The following FIRRM variants were observed in gnomAD, a reference collection of about 807,000 sequenced individuals.
FIRRM encodes FIGNL1 interacting regulator of recombination and mitosis, also known as FIGNL1-interacting regulator of recombination and mitosis.
the FIRRM span, among the ~76,000 whole-genome samples, chr1:169,809,126 A>C: frequency 6.6e-6 from 1 of 152,212 alleles, no homozygotes; most frequent in Admixed American, 6.5e-5. Flanking sequence ...ACCCTAGGGG[A>C]GGGTGGAACT....
chr1:169,840,207 C>T, the FIRRM span, among the ~76,000 whole-genome samples: 1 of 152,112 alleles, frequency 6.6e-6, no homozygotes, highest in African/African-American at 2.4e-5. Context: ...GCTATTCAGG[C>T]TCTTTTTTGA....
At chr1:169,793,107 C>T in the FIRRM span, 3 of 1,614,136 alleles carry the variant, frequency 1.9e-6, no homozygotes, top group Admixed American at 3.3e-5. Flanking sequence ...AAACCTGATC[C>T]ACAACCAAGA....
chr1:169,811,839 GATTATCTAAATAGATA>G, the FIRRM span, among the ~76,000 whole-genome samples: 2 of 148,830 alleles, frequency 1.3e-5, no homozygotes, highest in East Asian at 2.6e-4. Context: ...ATAGATAATA[GATTATCTAAATAGATA>G]ATAGATAGAT....
the FIRRM span, among the ~76,000 whole-genome samples, chr1:169,805,484 A>T: frequency 6.6e-6 from 1 of 152,094 alleles, no homozygotes; most frequent in Non-Finnish European, 1.5e-5. Context: ...TAATTTTATT[A>T]TTGTCCCCCG....
At chr1:169,852,102 G>C in the FIRRM span, 1 of 832,188 alleles carries the variant, frequency 1.2e-6, no homozygotes. Flanking sequence ...TTAAAATTAA[G>C]AAGTGGGACT....
At chr1:169,828,038 T>C in the FIRRM span, among the ~76,000 whole-genome samples, 1 of 152,194 alleles carries the variant, frequency 6.6e-6, no homozygotes, top group African/African-American at 2.4e-5. Context: ...TATTAGATGC[T>C]AAAAATATTT....
At chr1:169,815,933 A>G in the FIRRM span, among the ~76,000 whole-genome samples, 9,860 of 152,250 alleles carry the variant, frequency 0.065, 425 homozygotes, top group Non-Finnish European at 0.099. Context: ...ATTCCTGCCT[A>G]ACTATTGGGG....
the FIRRM span, among the ~76,000 whole-genome samples, chr1:169,820,297 G>A: frequency 6.6e-6 from 1 of 152,190 alleles, no homozygotes; most frequent in Non-Finnish European, 1.5e-5. Flanking sequence ...ACTGAATCAA[G>A]TTCAGGCAGC....
the FIRRM span, among the ~76,000 whole-genome samples, chr1:169,802,400 A>G: frequency 3.9e-5 from 6 of 152,320 alleles, no homozygotes; most frequent in Admixed American, 3.9e-4. Flanking sequence ...TAGAAATGGA[A>G]AATAAATTTC....
chr1:169,843,899 A>C, the FIRRM span: 1 of 618,614 alleles, frequency 1.6e-6, no homozygotes, highest in Non-Finnish European at 2.9e-6. Context: ...ACTTGTCTTC[A>C]TCAAGGATAT....
At chr1:169,843,605 A>T in the FIRRM span, 1 of 915,370 alleles carries the variant, frequency 1.1e-6, no homozygotes, top group Non-Finnish European at 1.8e-6. Context: ...TAAATGCTCA[A>T]TAAAAGCTTG....
chr1:169,847,776 A>G, the FIRRM span: 1 of 1,611,192 alleles, frequency 6.2e-7, no homozygotes, highest in Admixed American at 1.7e-5. Flanking sequence ...CTTCTTTAGG[A>G]AAACTTTTTA....
the FIRRM span, chr1:169,830,231 A>G: frequency 6.4e-7 from 1 of 1,555,864 alleles, no homozygotes; most frequent in Non-Finnish European, 8.8e-7. Flanking sequence ...TAGTATTTAA[A>G]TAAATTAATT....
the FIRRM span, among the ~76,000 whole-genome samples, chr1:169,815,765 C>T: frequency 2.6e-5 from 4 of 152,184 alleles, no homozygotes; most frequent in Admixed American, 2.6e-4. Flanking sequence ...GTCTTGTCCT[C>T]ATTTTACTCA....
the FIRRM span, among the ~76,000 whole-genome samples, chr1:169,810,469 A>G: frequency 6.6e-6 from 1 of 152,000 alleles, no homozygotes; most frequent in Non-Finnish European, 1.5e-5. Flanking sequence ...TTAGGGGAGA[A>G]TATATTTCAT....
chr1:169,794,993 C>T, the FIRRM span: 1 of 826,734 alleles, frequency 1.2e-6, no homozygotes, highest in South Asian at 1.6e-5. Context: ...AGCCGCCCTC[C>T]TCTCTATGGT....
chr1:169,802,101 T>G, the FIRRM span, among the ~76,000 whole-genome samples: 1 of 152,318 alleles, frequency 6.6e-6, no homozygotes, highest in East Asian at 1.9e-4. Flanking sequence ...GGCTAACTTT[T>G]CACAGACAAA....
the FIRRM span, among the ~76,000 whole-genome samples, chr1:169,798,520 G>A: frequency 6.6e-6 from 1 of 151,834 alleles, no homozygotes; most frequent in Non-Finnish European, 1.5e-5. Flanking sequence ...GCCCATCTAG[G>A]TCTCCCAAAG....
the FIRRM span, among the ~76,000 whole-genome samples, chr1:169,826,500 T>A: frequency 3.5e-4 from 53 of 152,018 alleles, 1 homozygote; most frequent in East Asian, 8.9e-3. Flanking sequence ...GTAGCTGGGA[T>A]TACAGGCATG....
Sources: allele counts gnomAD v4.1 joint callset (sites outside exome capture counted in the v4.1 genomes callset), GRCh38; gene constraint gnomAD v4.1.1; transcripts MANE v1.5; gene names NCBI Gene and HGNC (gene_info 2026-07-23, HGNC 2026-07-21).